The following CSF1 variants were observed in gnomAD, a reference collection of about 807,000 sequenced individuals.
CSF1 encodes colony stimulating factor 1.
Under a neutral mutation model 48.9 loss-of-function variants are expected in CSF1, and 9 were observed. The ratio of observed to expected loss-of-function variants is 0.18; its 90% CI spans 0.11 to 0.32. The LOEUF (loss-of-function observed/expected upper bound fraction) is 0.32. CSF1 is among the 10% of genes least tolerant of loss of function. The probability of loss-of-function intolerance (pLI) is 1.00; values close to 1 mark genes in which losing one functional copy is unlikely to be tolerated. For synonymous variants in CSF1, 305 were observed against 284.1 expected, an observed-to-expected ratio of 1.07 and a Z score of -0.74; for missense variants, 672 against 697.9, an observed-to-expected ratio of 0.96 and a Z score of 0.42.
chr1:109,914,832 C>T (rs1372619995), intron 2 of CSF1, among the ~76,000 whole-genome samples: 1 of 152,248 alleles, frequency 6.6e-6, no homozygotes, highest in Non-Finnish European at 1.5e-5. Context: ...GGAGGGGAAG[C>T]GCTTGCCTAA....
At chr1:109,920,578 A>T (rs762701906) in intron 4 of CSF1, among the ~76,000 whole-genome samples, 16 of 152,126 alleles carry the variant, frequency 1.1e-4, no homozygotes, top group Non-Finnish European at 2.4e-4. Context: ...CGGCCTCCCA[A>T]CATGCTGGGA....
At chr1:109,925,351 G>C (rs984599268) in intron 8 of CSF1, 149 bp downstream of exon 8, 18 of 688,830 alleles carry the variant, frequency 2.6e-5, no homozygotes, top group Non-Finnish European at 3.6e-5. Context: ...CGCCAGCCAG[G>C]TCCAGCCACC....
intron 5 of CSF1, 106 bp downstream of exon 5, chr1:109,922,100 T>G (rs1411323323): frequency 6.0e-6 from 8 of 1,332,836 alleles, no homozygotes; most frequent in African/African-American, 4.4e-5. Context: ...GCAGCCTGGC[T>G]GCTACTCGTG....
chr1:109,912,710 C>T (rs1654739823), intron 1 of CSF1, among the ~76,000 whole-genome samples: 1 of 152,194 alleles, frequency 6.6e-6, no homozygotes, highest in African/African-American at 2.4e-5. Context: ...CCATTCACTC[C>T]AGACCTTGAG....
intron 5 of CSF1, 27 bp from the exon 6 acceptor site, chr1:109,923,135 TTCTC>T (rs1388193198): frequency 1.3e-6 from 2 of 1,500,734 alleles, no homozygotes; most frequent in East Asian, 2.3e-5. Flanking sequence ...CTCCCCATCT[TTCTC>T]TCTCCTTCTC....
At chr1:109,914,076 A>T (rs146798666) in intron 1 of CSF1, among the ~76,000 whole-genome samples, 183 bp from the exon 2 acceptor site, 3 of 152,322 alleles carry the variant, frequency 2.0e-5, no homozygotes, top group Non-Finnish European at 4.4e-5. Flanking sequence ...TGGGAGAACA[A>T]GGTTGTGCTG....
chr1:109,923,156 G>C lies in CSF1; in HGVS notation c.545-10G>C. 1 of 1,508,942 alleles carries C rather than the reference G, an allele frequency of 6.6e-7. No homozygotes were observed. The highest frequency in any genetic ancestry group is 2.3e-5 in the Admixed American group (1 of 43,630). The allele number at this position is 1,508,942 out of a possible 1,614,324, so 93.5% of individuals were successfully genotyped here. On this transcript the variant is annotated splice_polypyrimidine_tract_variant and intron_variant, in intron 5 of 8. Transcript: ENST00000329608. ...ATCTTTCTCTCTCCTTCTCTCTGTG[G>C]TTCTTTCAGATGTGGTGACCAAGCC...
At chr1:109,922,091 C>A in intron 5 of CSF1, 97 bp downstream of exon 5, 2 of 1,418,374 alleles carry the variant, frequency 1.4e-6, no homozygotes, top group Non-Finnish European at 1.9e-6. Context: ...CCTGGGGAGG[C>A]AGCCTGGCTG....
intron 8 of CSF1, among the ~76,000 whole-genome samples, chr1:109,928,053 G>A (rs1647914494): frequency 6.6e-6 from 1 of 152,222 alleles, no homozygotes; most frequent in Non-Finnish European, 1.5e-5. Flanking sequence ...ACCCAGTAGG[G>A]CCTATGGATG....
chr1:109,924,874 T>G, intron 7 of CSF1, 46 bp downstream of exon 7: 1 of 1,571,266 alleles, frequency 6.4e-7, no homozygotes, highest in Non-Finnish European at 8.7e-7. Flanking sequence ...GGGCCTGGCT[T>G]GGGATCTGTT....
chr1:109,920,298 C>A lies in CSF1; in HGVS notation c.397-1549C>A, dbSNP rs182463018. Among the ~76,000 whole-genome samples, 366 of 152,144 alleles carry A rather than the reference C, an allele frequency of 2.4e-3. 6 individuals are homozygous for A. The highest frequency in any genetic ancestry group is 4.6e-3 in the Non-Finnish European group (315 of 67,954). On this transcript the variant is annotated intron_variant, in intron 4 of 8. Coordinates refer to ENST00000329608, the MANE Select transcript of CSF1 (RefSeq NM_000757.6). ...CAGTGACCAAGTAAACTGCCGGAGT[C>A]TCACTCTCTCCCAGGCTGGAGTGCA... is the stretch of plus-strand genomic sequence containing the variant.
In CSF1 at chr1:109,914,320, A is replaced by G; in HGVS notation, c.101A>G (p.Glu34Gly). 6.2e-7 allele frequency: 1 copy of G among 1,607,932 alleles called. No individual in the cohort carries two copies. Among genetic ancestry groups the G allele is most frequent in the Non-Finnish European group, 8.5e-7 (1 of 1,177,166 alleles). The change falls in exon 2 of 9, where the codon GAG becomes GGG. Residue 34 changes from glutamate (E) to glycine (G), a missense_variant. Glu to Gly is a moderately conservative substitution (Grantham distance 98, BLOSUM62 -2). Coordinates refer to ENST00000329608, the MANE Select transcript of CSF1 (RefSeq NM_000757.6). ...CLLASRSITE[E>G]VSEYCSHMIG... ...CTGGCGAGCAGGAGTATCACCGAGG[A>G]GGTGTCGGAGTACTGTAGCCACATG...
At chr1:109,921,712 C>A in intron 4 of CSF1, 135 bp from the exon 5 acceptor site, 2 of 1,127,826 alleles carry the variant, frequency 1.8e-6, no homozygotes, top group Non-Finnish European at 2.5e-6. Context: ...TGCTGCAAAC[C>A]AGGGGAAAGG....
intron 4 of CSF1, among the ~76,000 whole-genome samples, chr1:109,917,789 A>C (rs1647303291): frequency 6.6e-6 from 1 of 152,228 alleles, no homozygotes; most frequent in Non-Finnish European, 1.5e-5. Context: ...AACAGCAAGC[A>C]GTTATTGTGT....
chr1:109,922,008 G>C lies in CSF1; in HGVS notation c.544+14G>C, dbSNP rs781130023. The C allele has an allele frequency of 1.9e-6, 3 of 1,582,712 alleles. No homozygotes were observed. The highest frequency in any genetic ancestry group is 1.7e-6 in the Non-Finnish European group (2 of 1,159,350). ...GCTCCAGCCAAGGTAAGCATGGCAG[G>C]GGCCAGCAAGTGTGTGGGGGTGGTA... On this transcript the variant is annotated intron_variant, in intron 5 of 8. Coordinates refer to ENST00000329608, the MANE Select transcript of CSF1 (RefSeq NM_000757.6).
Position 109,911,042 on chromosome 1 carries a change from G to T in CSF1, c.19G>T (p.Ala7Ser). Residue 7 changes from alanine (A) to serine (S), a missense_variant, in exon 1 of 9, where the codon GCC becomes TCC. Around this residue, in one of 3 missense-constraint regions of CSF1, gnomAD observed 53 missense variants for 45.5 expected, o/e 1.17. Transcript: ENST00000329608. Reference sequence around the variant, plus strand: ...TGCCCGTATGACCGCGCCGGGCGCCGCCGGGCGCTGCCCTCCCACGGTAAG... The same window carrying T: ...TGCCCGTATGACCGCGCCGGGCGCCTCCGGGCGCTGCCCTCCCACGGTAAG... Reference protein sequence around the residue: MTAPGAAGRCPPTTWLG... With the variant: MTAPGASGRCPPTTWLG... 8.8e-7 allele frequency: 1 copy of T among 1,132,530 alleles called. No individual in the cohort carries two copies. 70.2% of individuals were successfully genotyped at this position (1,132,530 alleles called of 1,614,324 possible).
intron 7 of CSF1, 74 bp from the exon 8 acceptor site, chr1:109,925,073 G>A (rs1172870751): frequency 1.5e-6 from 2 of 1,367,520 alleles, no homozygotes; most frequent in Admixed American, 1.7e-5. Flanking sequence ...TGGGGCTTAG[G>A]GGTAAACTTA....
Position 109,930,086 on chromosome 1 carries a change from C to G in CSF1, c.*1248C>G, listed in dbSNP as rs572573337. 1 of 152,400 alleles carries G rather than the reference C, an allele frequency of 6.6e-6. No homozygotes were observed. Among genetic ancestry groups the G allele is most frequent in the Admixed American group, 6.5e-5 (1 of 15,312 alleles). The allele number at this position is 152,400 out of a possible 1,614,324, so 9.4% of individuals were successfully genotyped here. On this transcript the variant is annotated 3_prime_UTR_variant, in exon 9 of 9. Transcript: ENST00000329608. ...CAGCGCAGTGTCCTTTCCCTGCTGC[C>G]GACAGGAACCTGGGGCTGAACAGGT... is the stretch of plus-strand genomic sequence containing the variant.
At chr1:109,915,560 C>A (rs1654863092) in intron 2 of CSF1, 74 bp from the exon 3 acceptor site, 15 of 1,293,136 alleles carry the variant, frequency 1.2e-5, no homozygotes, top group Non-Finnish European at 1.7e-5. Context: ...GCTAAGGTCC[C>A]CGTTTTGAAG....
Sources: gnomAD v4.1 joint callset for allele counts (sites outside exome capture counted in the v4.1 genomes callset) on GRCh38, gnomAD v4.1.1 for gene constraint, gnomAD v4.1.1 regional missense constraint, MANE v1.5 for transcripts, NCBI Gene and HGNC (gene_info 2026-07-23, HGNC 2026-07-21) for gene names.